Variants in FZD6 observed in about 807,000 individuals in gnomAD.
FZD6 encodes frizzled-6.
In FZD6, 49 loss-of-function variants were observed where a neutral mutation model predicts 61.4. That is an observed-to-expected ratio of 0.80 (90% CI 0.63 to 1.01). The LOEUF (loss-of-function observed/expected upper bound fraction) is 1.01. Ranked by LOEUF, FZD6 falls within the 50% of genes least tolerant of loss-of-function variation. The probability of loss-of-function intolerance (pLI) is 0.00; values close to 1 mark genes in which losing one functional copy is unlikely to be tolerated. For synonymous variants in FZD6, 265 were observed against 292.2 expected (o/e 0.91, Z 0.95); for missense variants, 724 against 848.2 (o/e 0.85, Z 1.82).
intron 2 of FZD6, among the ~76,000 whole-genome samples, chr8:103,315,036 A>G (rs1814590308): frequency 1.3e-5 from 2 of 152,162 alleles, no homozygotes; most frequent in African/African-American, 4.8e-5. Context: ...AAAATTTCCC[A>G]AAGCTTATAG....
chr8:103,318,508 A>G (rs901099772), intron 2 of FZD6, 82 bp from the exon 3 acceptor site: 3 of 829,690 alleles, frequency 3.6e-6, no homozygotes, highest in Non-Finnish European at 4.1e-6. Context: ...GTGAAAAAGC[A>G]TATACTTTAA....
In FZD6 at chr8:103,324,897, A is replaced by G; in HGVS notation, c.791A>G (p.Asp264Gly). Residue 264 changes from aspartate (D) to glycine (G), a missense_variant, in exon 4 of 7, where the codon GAT (aspartate) becomes GGT (glycine). Coordinates refer to ENST00000358755, the MANE Select transcript of FZD6 (RefSeq NM_003506.4). ...GATAGCACAGCCTGCAATAAGGCAG[A>G]TGAGAAGCTAGAACTTGGTGACACT... Reference protein sequence around the residue: ...LGDSTACNKADEKLELGDTVV... With the variant: ...LGDSTACNKAGEKLELGDTVV... 4 of 1,614,112 alleles carry G rather than the reference A, an allele frequency of 2.5e-6. No homozygotes were observed. The highest frequency in any genetic ancestry group is 3.4e-6 in the Non-Finnish European group (4 of 1,179,944).
Position 103,324,806 on chromosome 8 carries a change from A to G in FZD6, c.700A>G (p.Ile234Val). The change falls in exon 4 of 7, where the codon ATT (isoleucine) becomes GTT (valine). Residue 234 changes from isoleucine (I) to valine (V), a missense_variant. Coordinates refer to ENST00000358755, the MANE Select transcript of FZD6 (RefSeq NM_003506.4). ...AAGATTCAGATACCCAGAGAGACCAATTATATATTACTCTGTCTGTTACAG... is the reference window on the plus strand; with the variant it reads ...AAGATTCAGATACCCAGAGAGACCAGTTATATATTACTCTGTCTGTTACAG... ...VRRFRYPERP[I>V]IYYSVCYSIV... 3 of 1,613,116 alleles carry G rather than the reference A, an allele frequency of 1.9e-6. No homozygotes were observed. The highest frequency in any genetic ancestry group is 2.5e-6 in the Non-Finnish European group (3 of 1,179,078).
intron 5 of FZD6, among the ~76,000 whole-genome samples, chr8:103,329,013 T>TTTTTATATATATATATATATA (rs143400765): frequency 3.5e-5 from 4 of 115,178 alleles, no homozygotes; most frequent in African/African-American, 1.2e-4. Context: ...CATTTTAGTT[T>TTTTTATATATATATATATATA]TATATATATA....
chr8:103,300,202 G>C lies in FZD6; in HGVS notation c.95G>C (p.Cys32Ser). ...TGTGAACCAATTACTGTTCCCAGAT[G>C]TATGAAAATGGCCTACAACATGACG... ...FTCEPITVPRCMKMAYNMTFF... is the reference protein window; with the variant it reads ...FTCEPITVPRSMKMAYNMTFF... The change falls in exon 2 of 7, where the codon TGT becomes TCT. Residue 32 changes from cysteine to serine, a missense_variant. Coordinates refer to ENST00000358755, the MANE Select transcript of FZD6 (RefSeq NM_003506.4). 5.6e-6 allele frequency: 9 copies of C among 1,606,090 alleles called. No homozygotes were observed. Among genetic ancestry groups the C allele is most frequent in the Non-Finnish European group, 6.0e-6 (7 of 1,172,666 alleles).
chr8:103,325,159 C>T lies in FZD6; in HGVS notation c.1053C>T (p.Asp351=). Residue 351 remains aspartate (D), a synonymous_variant, in exon 4 of 7, where the codon GAC becomes GAT. Coordinates refer to ENST00000358755, the MANE Select transcript of FZD6 (RefSeq NM_003506.4). ...MLLAMNKVEG[D]NISGVCFVGL... ...TTGCTATGAACAAAGTTGAAGGAGACAACATTAGTGGAGTTTGCTTTGTTG... is the reference window on the plus strand; with the variant it reads ...TTGCTATGAACAAAGTTGAAGGAGATAACATTAGTGGAGTTTGCTTTGTTG... The T allele has an allele frequency of 1.2e-6, 2 of 1,613,998 alleles. No homozygotes were observed. Among genetic ancestry groups the T allele is most frequent in the Non-Finnish European group, 1.7e-6 (2 of 1,179,868 alleles).
Position 103,332,751 on chromosome 8 carries a change from A to G in FZD6, c.*1242A>G, listed in dbSNP as rs968620326. The G allele has an allele frequency of 6.6e-6, 1 of 152,576 alleles. No individual in the cohort carries two copies. Among genetic ancestry groups the G allele is most frequent in the Non-Finnish European group, 1.5e-5 (1 of 68,014 alleles). 9.5% of individuals were successfully genotyped at this position (152,576 alleles called of 1,614,324 possible). Reference sequence around the variant, plus strand: ...TTCTGTTAAGGCACAAAAACTATGTACTGTATGGGAAATGTTGTAAATATT... The same window carrying G: ...TTCTGTTAAGGCACAAAAACTATGTGCTGTATGGGAAATGTTGTAAATATT... On this transcript the variant is annotated 3_prime_UTR_variant, in exon 7 of 7. Transcript: ENST00000358755.
chr8:103,308,848 A>G (rs186686102), intron 2 of FZD6, among the ~76,000 whole-genome samples: 4 of 152,252 alleles, frequency 2.6e-5, no homozygotes, highest in Non-Finnish European at 5.9e-5. Context: ...TTCTATGAGG[A>G]ACTAGTAGCA....
intron 2 of FZD6, among the ~76,000 whole-genome samples, chr8:103,301,527 T>A (rs1370136635): frequency 6.6e-6 from 1 of 152,208 alleles, no homozygotes; most frequent in Non-Finnish European, 1.5e-5. Context: ...CTAAATTTTT[T>A]AAATCTAATT....
At chr8:103,330,200 C>A in intron 6 of FZD6, 135 bp downstream of exon 6, 2 of 788,158 alleles carry the variant, frequency 2.5e-6, no homozygotes, top group Non-Finnish European at 4.3e-6. Context: ...AGTTTGGGTT[C>A]AGCCTATAAA....
At chr8:103,314,109 T>C (rs967187082) in intron 2 of FZD6, among the ~76,000 whole-genome samples, 3 of 152,192 alleles carry the variant, frequency 2.0e-5, no homozygotes, top group Non-Finnish European at 1.5e-5. Flanking sequence ...TAGCCAACTT[T>C]GGCACTGTAA....
At chr8:103,317,832 AAAAAAAAAAG>A (rs966514864) in intron 2 of FZD6, among the ~76,000 whole-genome samples, 2 of 123,026 alleles carry the variant, frequency 1.6e-5, no homozygotes, top group African/African-American at 3.1e-5. Flanking sequence ...TCTCAAAAAA[AAAAAAAAAAG>A]AAAGAAAGAA....
intron 2 of FZD6, among the ~76,000 whole-genome samples, chr8:103,316,203 A>G (rs1610204): frequency 0.95 from 144,029 of 152,246 alleles, 68,201 homozygotes; most frequent in East Asian, 1. Flanking sequence ...TTGTATTTTC[A>G]TTTGTTTTTT....
At position 103,331,563 on chromosome 8, in the gene FZD6, C is replaced by A; in HGVS notation, c.*54C>A. ...AAATTTGTGTTACACTGGAAGTGAC[C>A]TATGCACTGTTTTGTAAGAATCACT... On this transcript the variant is annotated 3_prime_UTR_variant, in exon 7 of 7. Coordinates refer to ENST00000358755, the MANE Select transcript of FZD6 (RefSeq NM_003506.4). 8.7e-7 allele frequency: 1 copy of A among 1,155,946 alleles called. No individual in the cohort carries two copies. Among genetic ancestry groups the A allele is most frequent in the Non-Finnish European group, 1.3e-6 (1 of 768,164 alleles). 71.6% of individuals were successfully genotyped at this position (1,155,946 alleles called of 1,614,324 possible). A position where few individuals can be genotyped will look rare whatever the true frequency, so the allele number is the denominator to read the frequency against.
chr8:103,301,957 A>G (rs930826099), intron 2 of FZD6, among the ~76,000 whole-genome samples: 1 of 152,132 alleles, frequency 6.6e-6, no homozygotes, highest in African/African-American at 2.4e-5. Flanking sequence ...CCTCTTTTAT[A>G]TGATTGCTAA....
At chr8:103,311,369 T>G (rs1814491259) in intron 2 of FZD6, among the ~76,000 whole-genome samples, 1 of 152,204 alleles carries the variant, frequency 6.6e-6, no homozygotes. Flanking sequence ...CCTGCATCCC[T>G]CTTAGCTTCC....
At position 103,318,751 on chromosome 8, in the gene FZD6, T is replaced by G; in HGVS notation, c.339T>G (p.Phe113Leu). Reference sequence around the variant, plus strand: ...ATTGCAAAAAATTAATTGACACTTTTGGGATCCGATGGCCTGAGGAGCTTG... The same window carrying G: ...ATTGCAAAAAATTAATTGACACTTTGGGGATCCGATGGCCTGAGGAGCTTG... ...YSDCKKLIDT[F>L]GIRWPEELEC... The change falls in exon 3 of 7, where the codon TTT (phenylalanine) becomes TTG (leucine). Residue 113 changes from phenylalanine (F) to leucine (L), a missense_variant. Coordinates refer to ENST00000358755, the MANE Select transcript of FZD6 (RefSeq NM_003506.4). 1.2e-6 allele frequency: 2 copies of G among 1,609,868 alleles called. No individual in the cohort carries two copies. The highest frequency in any genetic ancestry group is 1.7e-6 in the Non-Finnish European group (2 of 1,176,222).
chr8:103,329,038 C>A (rs1343290510), intron 5 of FZD6, among the ~76,000 whole-genome samples: 1 of 39,986 alleles, frequency 2.5e-5, no homozygotes, highest in Non-Finnish European at 6.4e-5. Flanking sequence ...TATATGCACA[C>A]ACACTATATA....
Position 103,331,385 on chromosome 8 carries a change from G to A in FZD6, c.1997G>A (p.Ser666Asn), listed in dbSNP as rs749101422. ...ATTACTGACACTGGCCTGGCACAGAGCAACAATTTGCAGGTCCCCAGTTCT... is the reference window on the plus strand; with the variant it reads ...ATTACTGACACTGGCCTGGCACAGAACAACAATTTGCAGGTCCCCAGTTCT... ...SDITDTGLAQ[S>N]NNLQVPSSSE... is the part of the protein sequence containing the mutation. The change falls in exon 7 of 7, where the codon AGC becomes AAC. Residue 666 changes from serine (S) to asparagine (N), a missense_variant. Transcript: ENST00000358755. 2 of 1,612,122 alleles carry A rather than the reference G, an allele frequency of 1.2e-6. No homozygotes were observed. Among genetic ancestry groups the A allele is most frequent in the Non-Finnish European group, 1.7e-6 (2 of 1,178,306 alleles).
Sources: allele counts gnomAD v4.1 joint callset (sites outside exome capture counted in the v4.1 genomes callset), GRCh38; gene constraint gnomAD v4.1.1; transcripts MANE v1.5; gene names NCBI Gene and HGNC (gene_info 2026-07-23, HGNC 2026-07-21).